C17orf67: variants seen among roughly 807,000 people sequenced by gnomAD.
C17orf67 encodes the protein chromosome 17 open reading frame 67.
A neutral mutation model predicts 11.2 loss-of-function variants in C17orf67; 12 were observed. That is an observed-to-expected ratio of 1.07 (90% CI 0.68 to 1.73). C17orf67 has a LOEUF of 1.73. Ranked by LOEUF, C17orf67 falls within the 40% of genes most tolerant of loss-of-function variation. The pLI, the probability that C17orf67 is intolerant of heterozygous loss-of-function variation, is 0.00. For missense variants in C17orf67, 115 were observed against 113.5 expected, an observed-to-expected ratio of 1.01 and a Z score of -0.06; for synonymous variants, 59 against 46.9, an observed-to-expected ratio of 1.26 and a Z score of -1.05.
chr17:56,799,021 G>T (rs1298489495), intron 6 of C17orf67, among the ~76,000 whole-genome samples: 1 of 152,080 alleles, frequency 6.6e-6, no homozygotes. Flanking sequence ...GTTCTCATGG[G>T]AACTAAGAGT....
At chr17:56,798,680 A>G (rs1458481626) in intron 6 of C17orf67, among the ~76,000 whole-genome samples, 2 of 152,034 alleles carry the variant, frequency 1.3e-5, no homozygotes, top group East Asian at 3.9e-4. Context: ...ATACAAAAAA[A>G]AAAATAGCTA....
intron 1 of C17orf67, 74 bp downstream of exon 1, chr17:56,833,544 C>G (rs1475902460): frequency 1.3e-5 from 2 of 150,064 alleles, no homozygotes; most frequent in African/African-American, 2.4e-5. Flanking sequence ...CGCTCGCCCT[C>G]GGCCTCCGCG....
At chr17:56,828,279 C>T (rs886313649) in intron 2 of C17orf67, among the ~76,000 whole-genome samples, 5 of 151,888 alleles carry the variant, frequency 3.3e-5, no homozygotes, top group South Asian at 2.1e-4. Flanking sequence ...GTGGCGCATG[C>T]GTGTAATCCC....
At chr17:56,822,291 C>T (rs1479141274) in intron 4 of C17orf67, among the ~76,000 whole-genome samples, 1 of 152,146 alleles carries the variant, frequency 6.6e-6, no homozygotes, top group African/African-American at 2.4e-5. Context: ...AGGCTCCTGC[C>T]AGAACATTCA....
intron 6 of C17orf67, among the ~76,000 whole-genome samples, chr17:56,810,951 C>T (rs1427643523): frequency 6.6e-6 from 1 of 152,210 alleles, no homozygotes; most frequent in Non-Finnish European, 1.5e-5. Context: ...CAAGGAGACC[C>T]AAGAGGCGTG....
intron 6 of C17orf67, among the ~76,000 whole-genome samples, chr17:56,810,344 C>A (rs540229345): frequency 3.4e-5 from 5 of 146,538 alleles, no homozygotes; most frequent in African/African-American, 1.3e-4. Context: ...AATACACACA[C>A]CCTCACACAC....
In C17orf67 at chr17:56,807,495, C is replaced by T. The variant is rs1291275401; in HGVS notation, c.156+7374G>A. 5.9e-5 allele frequency among the ~76,000 whole-genome samples: 9 copies of T among 152,256 alleles called. No individual in the cohort carries two copies. In the South Asian group the frequency reaches 8.3e-4, roughly 14 times the overall value. On this transcript the variant is annotated intron_variant, in intron 6 of 7. Transcript: ENST00000397861. ...GAGGAGCCTGGGTCTGCATGTCTGA[C>T]GGGATCCCAGGTAAGGCCCGTGCAG...
intron 6 of C17orf67, among the ~76,000 whole-genome samples, chr17:56,795,455 G>T (rs936852734): frequency 2.0e-5 from 3 of 152,194 alleles, no homozygotes; most frequent in African/African-American, 7.2e-5. Context: ...CTGATTGCCT[G>T]CAATCTAGAA....
At chr17:56,815,330 G>T (rs1345442526) in intron 5 of C17orf67, among the ~76,000 whole-genome samples, 2 of 152,088 alleles carry the variant, frequency 1.3e-5, no homozygotes, top group African/African-American at 2.4e-5. Flanking sequence ...CAAGTTTAAA[G>T]TCATTACTGG....
chr17:56,830,608 C>T (rs927741087), intron 2 of C17orf67, among the ~76,000 whole-genome samples: 5 of 152,074 alleles, frequency 3.3e-5, no homozygotes, highest in African/African-American at 9.7e-5. Flanking sequence ...CAATTAGCCA[C>T]CACGCCTGGC....
chr17:56,811,946 G>A (rs546476886), intron 6 of C17orf67, among the ~76,000 whole-genome samples: 1 of 152,342 alleles, frequency 6.6e-6, no homozygotes, highest in Non-Finnish European at 1.5e-5. Flanking sequence ...TCGGCTGCAG[G>A]TTGGCATCAC....
chr17:56,808,964 C>G (rs1428688536), intron 6 of C17orf67, among the ~76,000 whole-genome samples: 7 of 151,928 alleles, frequency 4.6e-5, no homozygotes, highest in Admixed American at 3.9e-4. Flanking sequence ...TGCACAGTCC[C>G]TTAACATGGA....
chr17:56,800,915 G>A (rs1240496500), intron 6 of C17orf67, among the ~76,000 whole-genome samples: 2 of 152,162 alleles, frequency 1.3e-5, no homozygotes, highest in African/African-American at 2.4e-5. Flanking sequence ...TGGGTGTGGT[G>A]GTGCACACTT....
At chr17:56,811,624 C>CTCAAG (rs71139939) in intron 6 of C17orf67, among the ~76,000 whole-genome samples, 1 of 152,058 alleles carries the variant, frequency 6.6e-6, no homozygotes, top group African/African-American at 2.4e-5. Context: ...CAGGCTGGGG[C>CTCAAG]ACTCTGGCTC....
intron 5 of C17orf67, 111 bp downstream of exon 5, chr17:56,815,645 G>A: frequency 1.2e-6 from 1 of 828,912 alleles, no homozygotes; most frequent in South Asian, 5.4e-5. Flanking sequence ...AAAGAGCATT[G>A]AAATATCTAT....
chr17:56,804,693 C>A (rs1005860808), intron 6 of C17orf67, among the ~76,000 whole-genome samples: 12 of 152,198 alleles, frequency 7.9e-5, no homozygotes, highest in Non-Finnish European at 1.6e-4. Flanking sequence ...AAATGGAACA[C>A]TTCCAAGAAA....
chr17:56,797,475 C>G (rs899004007), intron 6 of C17orf67, among the ~76,000 whole-genome samples: 1 of 152,084 alleles, frequency 6.6e-6, no homozygotes, highest in African/African-American at 2.4e-5. Flanking sequence ...GCCAGGGAAC[C>G]AAGGGATTCA....
At chr17:56,832,637 A>T (rs1906248496) in intron 2 of C17orf67, among the ~76,000 whole-genome samples, 1 of 152,130 alleles carries the variant, frequency 6.6e-6, no homozygotes, top group African/African-American at 2.4e-5. Context: ...CCCACCCTTC[A>T]CAAGTTTCAC....
intron 2 of C17orf67, among the ~76,000 whole-genome samples, chr17:56,830,512 C>G (rs955154175): frequency 1.3e-5 from 2 of 152,164 alleles, no homozygotes; most frequent in Non-Finnish European, 2.9e-5. Flanking sequence ...TATTTCACTA[C>G]AAGAGTGATG....
Sources: gnomAD v4.1 joint callset for allele counts (sites outside exome capture counted in the v4.1 genomes callset) on GRCh38, gnomAD v4.1.1 for gene constraint, MANE v1.5 for transcripts, NCBI Gene and HGNC (gene_info 2026-07-23, HGNC 2026-07-21) for gene names.